Variants in FUT8 observed in about 807,000 individuals in gnomAD.
FUT8 encodes alpha-(1,6)-fucosyltransferase.
Under a neutral mutation model 71.3 loss-of-function variants are expected in FUT8, and 29 were observed. The observed-to-expected ratio is 0.41, with a 90% CI of 0.30 to 0.55. The LOEUF is 0.55. FUT8 is among the 20% of genes least tolerant of loss of function. The probability of loss-of-function intolerance (pLI) is 0.34; values close to 1 mark genes in which losing one functional copy is unlikely to be tolerated. For synonymous variants in FUT8, 254 were observed against 239.3 expected (o/e 1.06, Z -0.57); for missense variants, 544 against 702.1 (o/e 0.77, Z 2.55).
At chr14:65,465,966 A>C (rs936961828) in intron 2 of FUT8, among the ~76,000 whole-genome samples, 2 of 152,218 alleles carry the variant, frequency 1.3e-5, no homozygotes, top group African/African-American at 2.4e-5. Context: ...AGGTACATAC[A>C]TATAAAGATG....
chr14:65,371,534 T>C, the FUT8 span, among the ~76,000 whole-genome samples: 129 of 152,352 alleles, frequency 8.5e-4, no homozygotes, highest in African/African-American at 3.0e-3. Context: ...GACCAGTTAT[T>C]TCATAATAAA....
chr14:65,593,566 T>TTTTTA (rs560610411), intron 3 of FUT8, among the ~76,000 whole-genome samples: 3 of 144,776 alleles, frequency 2.1e-5, no homozygotes, highest in African/African-American at 7.3e-5. Context: ...GCGCTCTTCT[T>TTTTTA]TTTTCTTTTC....
chr14:65,704,906 C>G (rs945574259), intron 7 of FUT8, among the ~76,000 whole-genome samples: 1 of 152,150 alleles, frequency 6.6e-6, no homozygotes, highest in African/African-American at 2.4e-5. Flanking sequence ...TTAAGTCTGT[C>G]AGAATATCAT....
At chr14:65,453,893 C>A (rs868475141) in intron 1 of FUT8, among the ~76,000 whole-genome samples, 3 of 152,168 alleles carry the variant, frequency 2.0e-5, no homozygotes, top group Admixed American at 6.5e-5. Flanking sequence ...AAACTCTGTT[C>A]TTTTCAAGTT....
chr14:65,458,796 T>C (rs1242956187), intron 2 of FUT8, among the ~76,000 whole-genome samples: 2 of 150,604 alleles, frequency 1.3e-5, no homozygotes, highest in Non-Finnish European at 3.0e-5. Flanking sequence ...TCTTTCTTTT[T>C]TTTTTTTTTT....
At chr14:65,440,243 T>C (rs2139481511) in intron 1 of FUT8, among the ~76,000 whole-genome samples, 1 of 151,766 alleles carries the variant, frequency 6.6e-6, no homozygotes, top group Non-Finnish European at 1.5e-5. Flanking sequence ...GTGTACAAAG[T>C]TTCAGGTATT....
intron 2 of FUT8, among the ~76,000 whole-genome samples, chr14:65,526,514 C>G (rs1393214630): frequency 1.3e-5 from 2 of 152,190 alleles, no homozygotes; most frequent in African/African-American, 4.8e-5. Context: ...GACTCTTTAT[C>G]CAATTTACCA....
chr14:65,537,195 G>C (rs1015223132), intron 2 of FUT8, among the ~76,000 whole-genome samples: 1 of 151,448 alleles, frequency 6.6e-6, no homozygotes, highest in African/African-American at 2.4e-5. Flanking sequence ...GGCTTTTAGT[G>C]TTCTCCTGAA....
chr14:65,408,526 T>TAGTTGG (rs1317289624), upstream of FUT8, among the ~76,000 whole-genome samples: 3 of 152,292 alleles, frequency 2.0e-5, no homozygotes, highest in East Asian at 5.8e-4. Context: ...TGCCTTTCTG[T>TAGTTGG]AGTTGGAGTT....
chr14:65,398,154 G>C, the FUT8 span, among the ~76,000 whole-genome samples: 1 of 152,120 alleles, frequency 6.6e-6, no homozygotes, highest in African/African-American at 2.4e-5. Context: ...AGGACCTCCA[G>C]ACATTATATT....
At chr14:65,656,132 A>G (rs1891670552) in intron 6 of FUT8, among the ~76,000 whole-genome samples, 1 of 152,236 alleles carries the variant, frequency 6.6e-6, no homozygotes, top group East Asian at 1.9e-4. Context: ...GAAAGAAATG[A>G]CCAACATCCA....
chr14:65,563,241 A>G (rs779055098), intron 3 of FUT8, among the ~76,000 whole-genome samples: 25 of 152,116 alleles, frequency 1.6e-4, no homozygotes, highest in Non-Finnish European at 2.9e-4. Context: ...CTAAAGATTG[A>G]TAATTTAGGG....
At chr14:65,552,105 G>T (rs1885322448) in intron 2 of FUT8, among the ~76,000 whole-genome samples, 1 of 152,106 alleles carries the variant, frequency 6.6e-6, no homozygotes, top group Non-Finnish European at 1.5e-5. Context: ...TGGTATGCAG[G>T]TGGCAGTGTT....
intron 10 of FUT8, among the ~76,000 whole-genome samples, chr14:65,740,495 T>C (rs895727641): frequency 4.4e-4 from 67 of 151,972 alleles, no homozygotes; most frequent in African/African-American, 1.6e-3. Flanking sequence ...TGTTTTCGCA[T>C]TGCTAAAAAG....
intron 7 of FUT8, among the ~76,000 whole-genome samples, chr14:65,693,321 A>G (rs577430561): frequency 6.6e-6 from 1 of 152,380 alleles, no homozygotes; most frequent in East Asian, 1.9e-4. Flanking sequence ...CCCAGCCAAC[A>G]CAGCGAAACC....
In FUT8 at chr14:65,413,595, C is replaced by T. The variant is rs887858059; in HGVS notation, c.-326+381C>T. 1.3e-5 allele frequency among the ~76,000 whole-genome samples: 2 copies of T among 152,194 alleles called. No individual in the cohort carries two copies. Among genetic ancestry groups the T allele is most frequent in the African/African-American group, 2.4e-5 (1 of 41,460 alleles). Reference sequence around the variant, plus strand: ...CGTTTCCCCTCCACACCTACCTTCCCTTCGTCAGCAGCTCGGTCCCTGGAG... The same window carrying T: ...CGTTTCCCCTCCACACCTACCTTCCTTTCGTCAGCAGCTCGGTCCCTGGAG... On this transcript the variant is annotated intron_variant, in intron 1 of 10. Transcript: ENST00000673929. The surrounding 1 kb of genome is among the most constrained non-coding windows in gnomAD (Gnocchi z 4.1).
intron 2 of FUT8, among the ~76,000 whole-genome samples, chr14:65,560,936 C>G (rs1374297831): frequency 6.6e-6 from 1 of 152,138 alleles, no homozygotes; most frequent in Non-Finnish European, 1.5e-5. Flanking sequence ...ATCACTCATA[C>G]AGGGAACATG....
At chr14:65,450,757 A>G (rs1336682502) in intron 1 of FUT8, among the ~76,000 whole-genome samples, 1 of 152,028 alleles carries the variant, frequency 6.6e-6, no homozygotes, top group African/African-American at 2.4e-5. Flanking sequence ...GTAAACTTTC[A>G]TGGTTAATCA....
intron 2 of FUT8, among the ~76,000 whole-genome samples, chr14:65,463,155 G>C (rs1171123835): frequency 1.3e-5 from 2 of 149,026 alleles, no homozygotes; most frequent in Non-Finnish European, 2.9e-5. Flanking sequence ...AAAACAGACA[G>C]AATATAGAAA....
Sources: gnomAD v4.1 joint callset for allele counts (sites outside exome capture counted in the v4.1 genomes callset) on GRCh38, gnomAD v4.1.1 for gene constraint, Gnocchi (gnomAD v3.1) non-coding constraint, MANE v1.5 for transcripts, NCBI Gene and HGNC (gene_info 2026-07-23, HGNC 2026-07-21) for gene names.